Variants in DPP10 observed in about 807,000 individuals in gnomAD.
DPP10 encodes the protein dipeptidyl peptidase like 10, also known as inactive dipeptidyl peptidase 10.
DPP10 carries 33 observed loss-of-function variants against 120.9 expected under a neutral mutation model. The observed-to-expected ratio is 0.27, with a 90% CI of 0.21 to 0.37. DPP10 has a LOEUF of 0.37. Among genes scored for constraint, DPP10 ranks in the 10% least tolerant of loss-of-function variants. The probability of loss-of-function intolerance (pLI) is 1.00; values close to 1 mark genes in which losing one functional copy is unlikely to be tolerated. For synonymous variants in DPP10, 337 were observed against 326.1 expected, an observed-to-expected ratio of 1.03 and a Z score of -0.36; for missense variants, 816 against 942.8, an observed-to-expected ratio of 0.87 and a Z score of 1.76.
chr2:115,045,865 A>G (rs969456512), intron 1 of DPP10, among the ~76,000 whole-genome samples: 1 of 152,164 alleles, frequency 6.6e-6, no homozygotes, highest in Non-Finnish European at 1.5e-5. Context: ...GTTGCTCTGC[A>G]GAGGCAGTAA....
At chr2:115,621,497 G>T (rs961102406) in intron 5 of DPP10, among the ~76,000 whole-genome samples, 7 of 152,042 alleles carry the variant, frequency 4.6e-5, no homozygotes, top group African/African-American at 1.4e-4. Context: ...AACTGACTTT[G>T]CTTCTATGCA....
chr2:115,148,146 C>G (rs533264955), intron 1 of DPP10, among the ~76,000 whole-genome samples: 1 of 152,284 alleles, frequency 6.6e-6, no homozygotes, highest in South Asian at 2.1e-4. Context: ...ACAAATCCTG[C>G]TAAGAGCATT....
At chr2:115,690,558 A>T (rs2091261111) in intron 7 of DPP10, among the ~76,000 whole-genome samples, 1 of 152,080 alleles carries the variant, frequency 6.6e-6, no homozygotes, top group South Asian at 2.1e-4. Flanking sequence ...GATTACAGGC[A>T]CATGCTACCA....
intron 1 of DPP10, among the ~76,000 whole-genome samples, chr2:115,154,465 G>T (rs2051763220): frequency 6.6e-6 from 1 of 152,054 alleles, no homozygotes; most frequent in South Asian, 2.1e-4. Context: ...GATGAATCTT[G>T]ATAAGATGAA....
intron 1 of DPP10, among the ~76,000 whole-genome samples, chr2:115,028,894 T>G (rs1264295700): frequency 6.6e-6 from 1 of 152,124 alleles, no homozygotes; most frequent in Non-Finnish European, 1.5e-5. Flanking sequence ...ATTTTTGGTT[T>G]CCACTTTCAC....
At chr2:115,211,470 A>G (rs2056508295) in intron 1 of DPP10, among the ~76,000 whole-genome samples, 1 of 152,148 alleles carries the variant, frequency 6.6e-6, no homozygotes, top group South Asian at 2.1e-4. Flanking sequence ...TTATGAGAGT[A>G]GTCATCTACC....
intron 1 of DPP10, among the ~76,000 whole-genome samples, chr2:115,133,350 A>T (rs2050482032): frequency 6.6e-6 from 1 of 151,478 alleles, no homozygotes; most frequent in South Asian, 2.1e-4. Context: ...TTGGCCAGGA[A>T]CATTTCTGTT....
At chr2:115,349,030 C>T (rs1248610685) in intron 3 of DPP10, among the ~76,000 whole-genome samples, 3 of 152,204 alleles carry the variant, frequency 2.0e-5, no homozygotes, top group African/African-American at 7.2e-5. Context: ...TGAGGAATAA[C>T]TGTCAGTATT....
At chr2:114,886,910 G>T (rs1189346991) in intron 1 of DPP10, among the ~76,000 whole-genome samples, 1 of 152,094 alleles carries the variant, frequency 6.6e-6, no homozygotes, top group African/African-American at 2.4e-5. Flanking sequence ...CCTGCCACCT[G>T]CCTTCCCACT....
intron 1 of DPP10, among the ~76,000 whole-genome samples, chr2:114,987,060 G>A (rs945835816): frequency 2.0e-5 from 3 of 152,048 alleles, no homozygotes; most frequent in Non-Finnish European, 2.9e-5. Flanking sequence ...GATTACAGGC[G>A]TGAACCACTG....
At chr2:115,606,458 T>C (rs904327946) in intron 5 of DPP10, among the ~76,000 whole-genome samples, 7 of 152,190 alleles carry the variant, frequency 4.6e-5, no homozygotes, top group African/African-American at 1.7e-4. Context: ...CCTGTGTAAC[T>C]TGTCACTGAG....
intron 1 of DPP10, among the ~76,000 whole-genome samples, chr2:114,591,552 C>CTCTTTTTTT (rs1388048473): frequency 1.6e-5 from 2 of 128,512 alleles, no homozygotes; most frequent in African/African-American, 3.3e-5. Context: ...CAACCTCTTC[C>CTCTTTTTTT]TATTTTTTTT....
chr2:115,706,841 A>G (rs1256920197), intron 7 of DPP10, among the ~76,000 whole-genome samples: 1 of 152,032 alleles, frequency 6.6e-6, no homozygotes, highest in African/African-American at 2.4e-5. Flanking sequence ...AATGGCATGC[A>G]GATAACTCCC....
intron 1 of DPP10, among the ~76,000 whole-genome samples, chr2:114,735,896 C>T (rs997280863): frequency 7.2e-5 from 11 of 152,114 alleles, no homozygotes; most frequent in Middle Eastern, 3.4e-3. Context: ...CCTCCCCCTA[C>T]GCAGAAACTT....
At chr2:115,400,587 G>A (rs955859655) in intron 3 of DPP10, among the ~76,000 whole-genome samples, 4 of 152,026 alleles carry the variant, frequency 2.6e-5, no homozygotes, top group Admixed American at 6.6e-5. Flanking sequence ...CCTGACTTAC[G>A]ATAGGATTAC....
intron 1 of DPP10, among the ~76,000 whole-genome samples, chr2:114,864,140 T>C (rs548596180): frequency 6.5e-4 from 99 of 152,352 alleles, no homozygotes; most frequent in South Asian, 3.1e-3. Context: ...ACAGATTTTA[T>C]TAAGTTGTTT....
intron 1 of DPP10, among the ~76,000 whole-genome samples, chr2:114,585,772 A>G (rs1021286625): frequency 6.6e-6 from 1 of 152,172 alleles, no homozygotes; most frequent in Admixed American, 6.5e-5. Context: ...TTTTCTCTCA[A>G]CTTGATGTCC....
intron 3 of DPP10, among the ~76,000 whole-genome samples, chr2:115,488,775 AT>A (rs1429671715): frequency 1.5e-5 from 2 of 132,912 alleles, no homozygotes; most frequent in African/African-American, 5.7e-5. Flanking sequence ...GATATACCTA[AT>A]GCTAGATGAC....
intron 1 of DPP10, among the ~76,000 whole-genome samples, chr2:114,740,821 G>A (rs1054518144): frequency 3.9e-5 from 6 of 152,230 alleles, no homozygotes; most frequent in South Asian, 2.1e-4. Context: ...TATTTCAGTC[G>A]TTTAAATTTG....
Sources: allele counts gnomAD v4.1 joint callset (sites outside exome capture counted in the v4.1 genomes callset), GRCh38; gene constraint gnomAD v4.1.1; transcripts MANE v1.5; gene names NCBI Gene and HGNC (gene_info 2026-07-23, HGNC 2026-07-21).